NGLY1: variants seen among roughly 807,000 people sequenced by gnomAD.
NGLY1 encodes the protein N-glycanase 1.
Under a neutral mutation model 84.6 loss-of-function variants are expected in NGLY1, and 68 were observed. The observed-to-expected ratio is 0.80, with a 90% confidence interval of 0.66 to 0.98. The LOEUF is 0.98. Among genes scored for constraint, NGLY1 ranks in the 50% least tolerant of loss-of-function variants. The probability of loss-of-function intolerance (pLI) is 0.00; values close to 1 mark genes in which losing one functional copy is unlikely to be tolerated. For synonymous variants in NGLY1, 280 were observed against 275.2 expected (o/e 1.02, Z -0.17); for missense variants, 779 against 770.2 (o/e 1.01, Z -0.14).
At chr3:25,770,410 A>G (rs1395848134) in intron 2 of NGLY1, among the ~76,000 whole-genome samples, 2 of 152,132 alleles carry the variant, frequency 1.3e-5, no homozygotes, top group Non-Finnish European at 2.9e-5. Context: ...CAGCCTCCCA[A>G]AGAACTAGGA....
chr3:25,781,242 T>C (rs1052685770), intron 1 of NGLY1, among the ~76,000 whole-genome samples: 1 of 152,222 alleles, frequency 6.6e-6, no homozygotes, highest in African/African-American at 2.4e-5. Context: ...TGAGCCACCG[T>C]GCCCAGTGAG....
upstream of NGLY1, among the ~76,000 whole-genome samples, chr3:25,785,237 G>A (rs1173124710): frequency 6.6e-6 from 1 of 150,934 alleles, no homozygotes; most frequent in African/African-American, 2.4e-5. Context: ...TAAGAATGAG[G>A]CCTCATCAAG....
chr3:25,743,873 T>C (rs1706280482), intron 4 of NGLY1, among the ~76,000 whole-genome samples: 1 of 152,186 alleles, frequency 6.6e-6, no homozygotes, highest in South Asian at 2.1e-4. Context: ...AGGGTCAATG[T>C]TCCTCATTTA....
At chr3:25,779,973 A>C (rs1708333165) in intron 1 of NGLY1, among the ~76,000 whole-genome samples, 1 of 152,214 alleles carries the variant, frequency 6.6e-6, no homozygotes, top group Non-Finnish European at 1.5e-5. Context: ...TTTGTTTACA[A>C]GTGCATAAAA....
intron 3 of NGLY1, chr3:25,754,892 GCT>G: frequency 2.9e-6 from 2 of 682,330 alleles, no homozygotes; most frequent in Non-Finnish European, 5.4e-6. Flanking sequence ...CTACCAATAG[GCT>G]CTCTCTCCGG....
At position 25,739,750 on chromosome 3, in the gene NGLY1, C is replaced by A. The variant is rs1575622282; in HGVS notation, c.708G>T (p.Trp236Cys). 1 of 1,614,074 alleles carries A rather than the reference C, an allele frequency of 6.2e-7. No homozygotes were observed. Among genetic ancestry groups the A allele is most frequent in the Non-Finnish European group, 8.5e-7 (1 of 1,180,004 alleles). The change falls in exon 5 of 12, where the codon TGG becomes TGT. Residue 236 changes from tryptophan to cysteine, a missense_variant. By Grantham distance (215) the Trp-to-Cys change is radical. Coordinates refer to ENST00000280700, the MANE Select transcript of NGLY1 (RefSeq NM_018297.4). ...CCCAGTGAAAAAATTCTTCCTTAAA[C>A]CAGTGCAAAAGCTCCAGCAAAAGAA... ...EDFLLLELLHWFKEEFFHWVN... is the reference protein window; with the variant it reads ...EDFLLLELLHCFKEEFFHWVN...
At chr3:25,768,027 C>T (rs773493780) in intron 2 of NGLY1, among the ~76,000 whole-genome samples, 3 of 145,740 alleles carry the variant, frequency 2.1e-5, no homozygotes, top group Non-Finnish European at 4.5e-5. Flanking sequence ...GCAAGAGAAT[C>T]ACTTGAACCC....
intron 3 of NGLY1, among the ~76,000 whole-genome samples, chr3:25,763,219 T>C (rs1707398920): frequency 6.6e-6 from 1 of 152,194 alleles, no homozygotes; most frequent in Non-Finnish European, 1.5e-5. Context: ...AAATACTACT[T>C]AGCCCAGGAA....
At chr3:25,759,334 GAAAT>G (rs1707194904) in intron 3 of NGLY1, among the ~76,000 whole-genome samples, 1 of 147,070 alleles carries the variant, frequency 6.8e-6, no homozygotes, top group African/African-American at 2.5e-5. Context: ...AAAAAAAAAA[GAAAT>G]GTCTCCATTT....
At chr3:25,768,986 T>C (rs970327802) in intron 2 of NGLY1, among the ~76,000 whole-genome samples, 1 of 152,178 alleles carries the variant, frequency 6.6e-6, no homozygotes, top group South Asian at 2.1e-4. Flanking sequence ...GTGCAAACTA[T>C]TCAAATGACA....
chr3:25,767,275 G>A (rs1707631486), intron 2 of NGLY1, among the ~76,000 whole-genome samples: 1 of 145,060 alleles, frequency 6.9e-6, no homozygotes, highest in South Asian at 2.2e-4. Flanking sequence ...CTGGGCGATA[G>A]AACTAGACTC....
At chr3:25,762,769 A>G (rs1707377492) in intron 3 of NGLY1, among the ~76,000 whole-genome samples, 1 of 152,162 alleles carries the variant, frequency 6.6e-6, no homozygotes. Context: ...CCTGGCACAC[A>G]TGGAGAAACC....
chr3:25,783,407 GCGC>G lies in NGLY1; in HGVS notation c.-20_-18del. The G allele has an allele frequency of 6.6e-7, 1 of 1,522,666 alleles. No homozygotes were observed. Among genetic ancestry groups the G allele is most frequent in the East Asian group, 2.7e-5 (1 of 37,304 alleles). The allele number at this position is 1,522,666 out of a possible 1,614,324, so 94.3% of individuals were successfully genotyped here. On this transcript the variant is annotated 5_prime_UTR_variant, in exon 1 of 12. Transcript: ENST00000280700. This position sits in a 1 kb window ranked among gnomAD's most constrained non-coding sequence, Gnocchi z 4.5. ...CGCCGCCATGCTTGAGCGCCAGCGGGCGCCGCCGCCGCCCCTCGCTCTCCGCGT... is the reference window on the plus strand; with the variant it reads ...CGCCGCCATGCTTGAGCGCCAGCGGGCGCCGCCGCCCCTCGCTCTCCGCGT...
intron 2 of NGLY1, among the ~76,000 whole-genome samples, chr3:25,772,948 G>T (rs949932872): frequency 1.3e-5 from 2 of 152,208 alleles, no homozygotes; most frequent in Admixed American, 1.3e-4. Context: ...AGAGGCTAAA[G>T]ATAGGACCCC....
At chr3:25,740,530 T>C (rs1353784301) in intron 4 of NGLY1, among the ~76,000 whole-genome samples, 1 of 152,166 alleles carries the variant, frequency 6.6e-6, no homozygotes, top group African/African-American at 2.4e-5. Flanking sequence ...TAATGTTTTA[T>C]GATTAAAACA....
chr3:25,741,870 AG>A (rs1264185853), intron 4 of NGLY1, among the ~76,000 whole-genome samples: 3 of 151,940 alleles, frequency 2.0e-5, no homozygotes, highest in South Asian at 2.1e-4. Flanking sequence ...GCGTGGTGGC[AG>A]GTACCTGTAA....
At chr3:25,787,414 C>T (rs977135001), upstream of NGLY1, among the ~76,000 whole-genome samples, 9 of 152,200 alleles carry the variant, frequency 5.9e-5, no homozygotes, top group Admixed American at 5.9e-4. Flanking sequence ...TTTCCACATC[C>T]TTCCAACCCA....
upstream of NGLY1, among the ~76,000 whole-genome samples, chr3:25,785,030 A>G (rs1276635346): frequency 6.6e-6 from 1 of 151,746 alleles, no homozygotes; most frequent in Non-Finnish European, 1.5e-5. Flanking sequence ...TCAACTATTT[A>G]ACTCTGCCTC....
At chr3:25,723,974 C>T (rs1046794063) in intron 10 of NGLY1, among the ~76,000 whole-genome samples, 7 of 152,154 alleles carry the variant, frequency 4.6e-5, no homozygotes, top group Non-Finnish European at 7.3e-5. Flanking sequence ...ACACCCTTTG[C>T]GTGAGAACAA....
Sources: gnomAD v4.1 joint callset for allele counts (sites outside exome capture counted in the v4.1 genomes callset) on GRCh38, gnomAD v4.1.1 for gene constraint, Gnocchi (gnomAD v3.1) non-coding constraint, MANE v1.5 for transcripts, NCBI Gene and HGNC (gene_info 2026-07-23, HGNC 2026-07-21) for gene names.